Variants in SEMA3E observed in about 807,000 individuals in gnomAD.
SEMA3E encodes semaphorin 3E, also known as semaphorin-3E.
A neutral mutation model predicts 93.6 loss-of-function variants in SEMA3E; 49 were observed. That is an observed-to-expected ratio of 0.52 (90% confidence interval 0.42 to 0.66). The LOEUF (loss-of-function observed/expected upper bound fraction) is 0.66, where lower values mean the gene tolerates loss of function less well. Among genes scored for constraint, SEMA3E ranks in the 30% least tolerant of loss-of-function variants. The pLI, the probability that SEMA3E is intolerant of heterozygous loss-of-function variation, is 0.00. For synonymous variants in SEMA3E, 363 were observed against 330.7 expected, an observed-to-expected ratio of 1.10 and a Z score of -1.06; for missense variants, 906 against 964.8, an observed-to-expected ratio of 0.94 and a Z score of 0.81.
At chr7:83,526,367 C>T (rs1031085679) in intron 1 of SEMA3E, among the ~76,000 whole-genome samples, 1 of 152,034 alleles carries the variant, frequency 6.6e-6, no homozygotes, top group African/African-American at 2.4e-5. Flanking sequence ...ATACTCTGTT[C>T]TACCTACTTC....
intron 10 of SEMA3E, among the ~76,000 whole-genome samples, chr7:83,402,186 A>G (rs1031006154): frequency 2.0e-4 from 31 of 152,130 alleles, no homozygotes; most frequent in African/African-American, 7.2e-4. Context: ...GTAAGGAGAC[A>G]GTTTGGCCTA....
At chr7:83,440,018 G>A (rs1789080950) in intron 4 of SEMA3E, among the ~76,000 whole-genome samples, 1 of 152,176 alleles carries the variant, frequency 6.6e-6, no homozygotes, top group Non-Finnish European at 1.5e-5. Flanking sequence ...CACAGCGTAT[G>A]TTAATTCTGG....
chr7:83,484,340 C>T (rs563926604), intron 2 of SEMA3E, among the ~76,000 whole-genome samples: 1 of 152,326 alleles, frequency 6.6e-6, no homozygotes, highest in East Asian at 1.9e-4. Flanking sequence ...CTACCTTCCT[C>T]CTTGTCATCT....
chr7:83,461,455 G>C (rs369088231), intron 4 of SEMA3E, among the ~76,000 whole-genome samples: 12 of 152,152 alleles, frequency 7.9e-5, no homozygotes, highest in South Asian at 6.2e-4. Flanking sequence ...TTACAGTTTC[G>C]TTCAGTGACT....
rs138211552 is a variant in SEMA3E, at chr7:83,392,659, C to G, written c.1563G>C (p.Met521Ile). Residue 521 changes from methionine to isoleucine, a missense_variant, in exon 14 of 17, where the codon ATG becomes ATC. Coordinates refer to ENST00000643230, the MANE Select transcript of SEMA3E (RefSeq NM_012431.3). The part of the protein sequence containing the change: ...VAQVRFHHCD[M>I]YGSACADCCL... ...AGCAGTCAGCACAAGCACTTCCATA[C>G]ATGTCACAGTGATGGAATCTGACTT... 34 of 1,613,786 alleles carry G rather than the reference C, an allele frequency of 2.1e-5. No homozygotes were observed. In the East Asian group the frequency reaches 7.6e-4, roughly 36 times the overall value.
At chr7:83,616,727 CTTTT>C (rs542862891) in intron 1 of SEMA3E, 12 of 417,778 alleles carry the variant, frequency 2.9e-5, no homozygotes, top group Admixed American at 7.9e-5. Flanking sequence ...TTCTTTCTTT[CTTTT>C]TTTTTTTTTT....
chr7:83,371,918 C>T (rs1021840779), intron 16 of SEMA3E: 2 of 190,706 alleles, frequency 1.0e-5, no homozygotes, highest in East Asian at 1.2e-4. Context: ...AACACAATAC[C>T]ATTTACATTT....
intron 4 of SEMA3E, among the ~76,000 whole-genome samples, chr7:83,419,967 C>T (rs6947452): frequency 0.53 from 81,005 of 151,924 alleles, 23,434 homozygotes; most frequent in East Asian, 0.84. Flanking sequence ...GTCTTAGCAA[C>T]AGCAATCAGG....
At position 83,387,052 on chromosome 7, in the gene SEMA3E, TGAAA is replaced by T; in HGVS notation, c.1668-6_1668-3del. 6.2e-7 allele frequency: 1 copy of T among 1,612,768 alleles called. No homozygotes were observed. Among genetic ancestry groups the T allele is most frequent in the Non-Finnish European group, 8.5e-7 (1 of 1,179,380 alleles). On this transcript the variant is annotated splice_region_variant and splice_polypyrimidine_tract_variant and intron_variant, in intron 14 of 16. Coordinates refer to ENST00000643230, the MANE Select transcript of SEMA3E (RefSeq NM_012431.3). ...CGAACATCTTGTCTCCGGAAACGCCTGAAAGAAAGTAAATGCATTTAGATGTTCA... is the reference window on the plus strand; with the variant it reads ...CGAACATCTTGTCTCCGGAAACGCCTGAAAGTAAATGCATTTAGATGTTCA...
At chr7:83,376,978 T>C (rs759752498) in intron 16 of SEMA3E, among the ~76,000 whole-genome samples, 8 of 151,998 alleles carry the variant, frequency 5.3e-5, no homozygotes, top group Non-Finnish European at 1.2e-4. Context: ...CTTGTCTGCC[T>C]TACACCACCC....
At chr7:83,511,748 G>T (rs937048493) in intron 1 of SEMA3E, among the ~76,000 whole-genome samples, 5 of 151,810 alleles carry the variant, frequency 3.3e-5, no homozygotes, top group African/African-American at 1.2e-4. Flanking sequence ...AAAAAAAATT[G>T]CCCAGGCATG....
intron 2 of SEMA3E, among the ~76,000 whole-genome samples, chr7:83,475,218 G>C (rs139040741): frequency 5.3e-5 from 8 of 151,888 alleles, no homozygotes; most frequent in East Asian, 1.9e-4. Context: ...TAAAATGAAG[G>C]CTTCTTTAAA....
intron 4 of SEMA3E, among the ~76,000 whole-genome samples, chr7:83,456,197 G>A (rs1244797634): frequency 6.6e-6 from 1 of 152,182 alleles, no homozygotes; most frequent in Non-Finnish European, 1.5e-5. Flanking sequence ...CAAGGTCTTT[G>A]CCAATTCTCT....
At chr7:83,594,974 C>A (rs1256624680) in intron 1 of SEMA3E, among the ~76,000 whole-genome samples, 1 of 151,320 alleles carries the variant, frequency 6.6e-6, no homozygotes, top group Non-Finnish European at 1.5e-5. Flanking sequence ...AAAAAGCTCC[C>A]TGTTTTTAAA....
intron 1 of SEMA3E, among the ~76,000 whole-genome samples, chr7:83,504,351 G>C (rs1790653321): frequency 6.6e-6 from 1 of 152,146 alleles, no homozygotes; most frequent in African/African-American, 2.4e-5. Context: ...ACTGTTGGTA[G>C]ATGCTATGTG....
chr7:83,454,254 A>T (rs1448067139), intron 4 of SEMA3E, among the ~76,000 whole-genome samples: 1 of 36,338 alleles, frequency 2.8e-5, no homozygotes, highest in African/African-American at 7.2e-5. Context: ...CAAGACTCCG[A>T]CTCAAAAAAA....
intron 1 of SEMA3E, among the ~76,000 whole-genome samples, chr7:83,501,388 G>A (rs1284829323): frequency 1.3e-5 from 2 of 152,178 alleles, no homozygotes; most frequent in South Asian, 2.1e-4. Flanking sequence ...TAGAACTAAT[G>A]TATTCTCTAC....
intron 4 of SEMA3E, among the ~76,000 whole-genome samples, chr7:83,444,529 T>C (rs924960844): frequency 1.3e-5 from 2 of 152,198 alleles, no homozygotes; most frequent in African/African-American, 4.8e-5. Flanking sequence ...AATATGATTT[T>C]GGAGCCATCC....
chr7:83,609,303 A>G (rs1423551518), intron 1 of SEMA3E, among the ~76,000 whole-genome samples: 2 of 152,024 alleles, frequency 1.3e-5, no homozygotes, highest in Non-Finnish European at 2.9e-5. Flanking sequence ...CTAGAAAAAA[A>G]TTATGATACG....
Sources: allele counts gnomAD v4.1 joint callset (sites outside exome capture counted in the v4.1 genomes callset), GRCh38; gene constraint gnomAD v4.1.1; transcripts MANE v1.5; gene names NCBI Gene and HGNC (gene_info 2026-07-23, HGNC 2026-07-21).